MYLK4: variants seen among roughly 807,000 people sequenced by gnomAD.
MYLK4 encodes the protein caMLCK like.
In MYLK4, 46 loss-of-function variants were observed where a neutral mutation model predicts 48.1. The observed-to-expected ratio is 0.96, with a 90% CI of 0.75 to 1.22. The LOEUF is 1.22. Ranked by LOEUF, MYLK4 falls within the 50% of genes most tolerant of loss-of-function variation. The pLI, the probability that MYLK4 is intolerant of heterozygous loss-of-function variation, is 0.00. For synonymous variants in MYLK4, 170 were observed against 180.8 expected (o/e 0.94, Z 0.48); for missense variants, 451 against 486.1 (o/e 0.93, Z 0.68).
At chr6:2,755,594 T>G (rs1764410114), upstream of MYLK4, among the ~76,000 whole-genome samples, 1 of 152,200 alleles carries the variant, frequency 6.6e-6, no homozygotes, top group African/African-American at 2.4e-5. Flanking sequence ...TGTGCTGGAG[T>G]GCAGTGGCGT....
chr6:2,765,879 C>G, the MYLK4 span: 1 of 1,448,898 alleles, frequency 6.9e-7, no homozygotes, highest in South Asian at 1.3e-5. Context: ...CCAGCCACCC[C>G]GACGGCAGCC....
chr6:2,713,366 C>T (rs537910421), intron 2 of MYLK4, among the ~76,000 whole-genome samples: 4 of 130,756 alleles, frequency 3.1e-5, no homozygotes, highest in East Asian at 2.1e-4. Context: ...AAGAGTGAAA[C>T]TCCGTCTCAA....
At chr6:2,692,706 A>C (rs1197149381) in intron 3 of MYLK4, 78 bp downstream of exon 3, 1 of 1,323,140 alleles carries the variant, frequency 7.6e-7, no homozygotes, top group East Asian at 2.5e-5. Context: ...TGAATGTGCA[A>C]CTTCCTCTGA....
rs1761500506 is a variant in MYLK4, at chr6:2,685,502, G to C, written c.416C>G (p.Thr139Ser). 1.2e-6 allele frequency: 2 copies of C among 1,613,994 alleles called. No individual in the cohort carries two copies. Among genetic ancestry groups the C allele is most frequent in the Admixed American group, 1.7e-5 (1 of 59,998 alleles). Residue 139 changes from threonine (T) to serine (S), a missense_variant, in exon 5 of 13, where the codon ACC becomes AGC. Coordinates refer to ENST00000274643, the MANE Select transcript of MYLK4 (RefSeq NM_001012418.5). This position sits in a 1 kb window ranked among gnomAD's most constrained non-coding sequence, Gnocchi z 4.5. ...CTGTACCTTGTCCTTCATGCCTCTG[G>C]TCTTGATGATTTTGGCTGCCAGCTT... ...GLKLAAKIIK[T>S]RGMKDKEEVK...
chr6:2,697,271 G>A (rs1487595624), intron 2 of MYLK4, among the ~76,000 whole-genome samples: 3 of 152,096 alleles, frequency 2.0e-5, no homozygotes, highest in Non-Finnish European at 4.4e-5. Context: ...CTAATTAGTC[G>A]GTTTGAGTGC....
At chr6:2,769,532 A>G in the MYLK4 span, among the ~76,000 whole-genome samples, 5 of 152,274 alleles carry the variant, frequency 3.3e-5, no homozygotes, top group South Asian at 8.3e-4. Context: ...TTAATCATAC[A>G]TAGAATATTT....
At chr6:2,703,665 C>CTT (rs3055234) in intron 2 of MYLK4, among the ~76,000 whole-genome samples, 1,468 of 94,930 alleles carry the variant, frequency 0.015, 193 homozygotes, top group Middle Eastern at 0.057. Context: ...TTTGTGAATT[C>CTT]TTTTTTTTTT....
chr6:2,675,794 T>C (rs1457037967), intron 10 of MYLK4, among the ~76,000 whole-genome samples: 1 of 152,236 alleles, frequency 6.6e-6, no homozygotes, highest in East Asian at 1.9e-4. Context: ...AAATAACCTT[T>C]CAAAATAAAA....
chr6:2,751,257 G>A (rs77010370), upstream of MYLK4, among the ~76,000 whole-genome samples: 15 of 152,286 alleles, frequency 9.8e-5, no homozygotes, highest in Non-Finnish European at 1.9e-4. Context: ...AAAATGCCAG[G>A]TGTGGCAACC....
the MYLK4 span, among the ~76,000 whole-genome samples, chr6:2,757,961 A>G: frequency 2.0e-5 from 3 of 152,232 alleles, no homozygotes; most frequent in African/African-American, 7.2e-5. Context: ...TGTTGACTCA[A>G]GAGCTGCTCA....
intron 2 of MYLK4, among the ~76,000 whole-genome samples, chr6:2,733,416 C>G (rs1030509922): frequency 2.0e-5 from 3 of 152,114 alleles, no homozygotes; most frequent in Non-Finnish European, 2.9e-5. Context: ...ACCTCAGAAA[C>G]CAACCAAGCA....
At chr6:2,765,598 G>T in the MYLK4 span, 8 of 1,486,492 alleles carry the variant, frequency 5.4e-6, no homozygotes, top group Middle Eastern at 4.6e-4. Flanking sequence ...GGCCGCGCCG[G>T]GCGCCGGGGA....
chr6:2,753,880 G>A (rs1205947194), upstream of MYLK4, among the ~76,000 whole-genome samples: 1 of 151,872 alleles, frequency 6.6e-6, no homozygotes, highest in Non-Finnish European at 1.5e-5. Flanking sequence ...TAAAAGATAG[G>A]TTGGGTGTGG....
intron 2 of MYLK4, among the ~76,000 whole-genome samples, chr6:2,694,557 G>GGCGA (rs1761974086): frequency 3.7e-5 from 4 of 106,968 alleles, no homozygotes; most frequent in Non-Finnish European, 6.4e-5. Context: ...GGTGGTAGTC[G>GGCGA]TGGTGGTAGT....
intron 2 of MYLK4, among the ~76,000 whole-genome samples, chr6:2,742,665 C>A (rs1338868175): frequency 1.4e-5 from 2 of 142,618 alleles, no homozygotes; most frequent in Admixed American, 1.5e-4. Flanking sequence ...GGGAATTGAA[C>A]AATGAGAACA....
chr6:2,759,197 C>G, the MYLK4 span, among the ~76,000 whole-genome samples: 5 of 152,144 alleles, frequency 3.3e-5, no homozygotes, highest in Non-Finnish European at 7.3e-5. Flanking sequence ...CTCACTGTGG[C>G]CTTGAATTCC....
chr6:2,752,056 T>C (rs1438412411), upstream of MYLK4, among the ~76,000 whole-genome samples: 2 of 152,168 alleles, frequency 1.3e-5, no homozygotes, highest in South Asian at 2.1e-4. Flanking sequence ...GCAAGATGTG[T>C]GTGGGCTGCT....
chr6:2,738,599 A>T (rs1334117721), intron 2 of MYLK4, among the ~76,000 whole-genome samples: 1 of 152,230 alleles, frequency 6.6e-6, no homozygotes, highest in Non-Finnish European at 1.5e-5. Flanking sequence ...GTCACCTTGC[A>T]GTTGCAGAGA....
At chr6:2,695,500 A>G (rs1214545738) in intron 2 of MYLK4, among the ~76,000 whole-genome samples, 2 of 152,248 alleles carry the variant, frequency 1.3e-5, no homozygotes, top group Non-Finnish European at 2.9e-5. Flanking sequence ...AGAAGCTGTC[A>G]GTATTGAGGA....
Sources: gnomAD v4.1 joint callset for allele counts (sites outside exome capture counted in the v4.1 genomes callset) on GRCh38, gnomAD v4.1.1 for gene constraint, Gnocchi (gnomAD v3.1) non-coding constraint, MANE v1.5 for transcripts, NCBI Gene and HGNC (gene_info 2026-07-23, HGNC 2026-07-21) for gene names.